Variants in VPS13B observed in about 807,000 individuals in gnomAD.
VPS13B encodes vacuolar protein sorting 13 homolog B.
Under a neutral mutation model 426.4 loss-of-function variants are expected in VPS13B, and 285 were observed. The ratio of observed to expected loss-of-function variants is 0.67; its 90% CI spans 0.61 to 0.74. The LOEUF (loss-of-function observed/expected upper bound fraction) is 0.74, where lower values mean the gene tolerates loss of function less well. Ranked by LOEUF, VPS13B falls within the 30% of genes least tolerant of loss-of-function variation. The pLI is 0.00. For synonymous variants in VPS13B, 1,676 were observed against 1,676.4 expected, an observed-to-expected ratio of 1.00 and a Z score of 0.01; for missense variants, 4,537 against 4,782.6, an observed-to-expected ratio of 0.95 and a Z score of 1.51.
At chr8:99,626,665 A>G (rs1386641825) in intron 33 of VPS13B, among the ~76,000 whole-genome samples, 1 of 152,168 alleles carries the variant, frequency 6.6e-6, no homozygotes, top group Non-Finnish European at 1.5e-5. Context: ...AGAAAAAGGA[A>G]CTCTTATGCG....
At chr8:99,278,594 G>T (rs888876025) in intron 19 of VPS13B, among the ~76,000 whole-genome samples, 2 of 152,158 alleles carry the variant, frequency 1.3e-5, no homozygotes. Context: ...CTAGAACTTG[G>T]AACTTCTAAC....
At chr8:99,165,398 T>C (rs1485205331) in intron 15 of VPS13B, among the ~76,000 whole-genome samples, 1 of 152,200 alleles carries the variant, frequency 6.6e-6, no homozygotes, top group East Asian at 1.9e-4. Context: ...GGCAAACCCA[T>C]CGTTTGAATA....
intron 43 of VPS13B, among the ~76,000 whole-genome samples, chr8:99,802,026 T>A (rs1166592326): frequency 6.6e-6 from 1 of 152,012 alleles, no homozygotes; most frequent in East Asian, 1.9e-4. Flanking sequence ...GGTGCATGCC[T>A]GTAGTCCCAA....
chr8:99,536,600 A>G (rs765072944), intron 30 of VPS13B: 3 of 529,202 alleles, frequency 5.7e-6, no homozygotes, highest in African/African-American at 3.9e-5. Flanking sequence ...AATGTTTTGT[A>G]TCCTGGGACC....
intron 43 of VPS13B, among the ~76,000 whole-genome samples, chr8:99,798,160 A>G (rs538703746): frequency 6.4e-4 from 98 of 151,966 alleles, no homozygotes; most frequent in Non-Finnish European, 8.4e-4. Flanking sequence ...TTGAGTACCC[A>G]GGAACTACCG....
chr8:99,186,333 C>T (rs926673035), intron 16 of VPS13B, among the ~76,000 whole-genome samples: 2 of 151,912 alleles, frequency 1.3e-5, no homozygotes, highest in African/African-American at 4.8e-5. Flanking sequence ...AGGAAAAATA[C>T]ACTTTTTATT....
intron 2 of VPS13B, among the ~76,000 whole-genome samples, chr8:99,028,919 G>T: frequency 8.6e-6 from 1 of 116,578 alleles, no homozygotes; most frequent in Middle Eastern, 4.3e-3. Flanking sequence ...CTGCCGGGCG[G>T]AGACGCTCCT....
At chr8:99,403,727 G>GA (rs904308067) in intron 21 of VPS13B, among the ~76,000 whole-genome samples, 2 of 152,114 alleles carry the variant, frequency 1.3e-5, no homozygotes, top group African/African-American at 2.4e-5. Context: ...TATAATGCCA[G>GA]AAAAAATGCA....
chr8:99,456,185 T>C (rs1057231906), intron 23 of VPS13B, among the ~76,000 whole-genome samples: 8 of 152,192 alleles, frequency 5.3e-5, no homozygotes, highest in African/African-American at 1.9e-4. Flanking sequence ...ATTTATTTTT[T>C]TGAGGCAGAG....
intron 8 of VPS13B, among the ~76,000 whole-genome samples, chr8:99,123,618 A>G (rs1019144530): frequency 6.6e-6 from 1 of 152,214 alleles, no homozygotes; most frequent in South Asian, 2.1e-4. Flanking sequence ...TAGGAATGCA[A>G]TTTTCAAGCA....
chr8:99,073,962 A>C (rs1172208959), intron 3 of VPS13B, among the ~76,000 whole-genome samples: 1 of 151,326 alleles, frequency 6.6e-6, no homozygotes, highest in Non-Finnish European at 1.5e-5. Flanking sequence ...GTAGAGATAG[A>C]GTCTCCCTAT....
At chr8:99,300,606 A>C (rs1203775009) in intron 19 of VPS13B, among the ~76,000 whole-genome samples, 2 of 152,128 alleles carry the variant, frequency 1.3e-5, no homozygotes, top group East Asian at 3.9e-4. Context: ...TATCCCTTTC[A>C]GCCTAGGTAT....
chr8:99,823,835 T>A lies in VPS13B; in HGVS notation c.9187T>A (p.Cys3063Ser). 6.2e-7 allele frequency: 1 copy of A among 1,613,496 alleles called. No individual in the cohort carries two copies. Residue 3063 changes from cysteine to serine, a missense_variant, in exon 51 of 62, where the codon TGT becomes AGT. Cys to Ser is a moderately radical substitution (Grantham distance 112, BLOSUM62 -1). This residue lies in a region of VPS13B where 4,311 missense variants were observed against 4,474.3 expected (regional missense o/e 0.96). Coordinates refer to ENST00000357162, the MANE Select transcript of VPS13B (RefSeq NM_152564.5). ...TTTTTTCTCAATTATCTTGTAGTTA[T>A]GTCAGTTCTGCATTTCCTCCATGGT... is the stretch of plus-strand genomic sequence containing the variant. Reference protein sequence around the residue: ...LGAFPGHQKLCQFCISSMVQQ... With the variant: ...LGAFPGHQKLSQFCISSMVQQ...
At chr8:99,331,118 C>A (rs1257405898) in intron 19 of VPS13B, among the ~76,000 whole-genome samples, 1 of 151,710 alleles carries the variant, frequency 6.6e-6, no homozygotes, top group African/African-American at 2.4e-5. Context: ...TGCATGGTTC[C>A]ACTAAACTCT....
At chr8:99,161,389 C>G (rs1336762725) in intron 15 of VPS13B, among the ~76,000 whole-genome samples, 1 of 152,128 alleles carries the variant, frequency 6.6e-6, no homozygotes, top group Non-Finnish European at 1.5e-5. Context: ...TCTCTATACT[C>G]AAGAAGGATG....
chr8:99,777,117 A>G (rs989034542), intron 41 of VPS13B, among the ~76,000 whole-genome samples, 161 bp downstream of exon 41: 1 of 152,208 alleles, frequency 6.6e-6, no homozygotes, highest in Non-Finnish European at 1.5e-5. Context: ...CAAAACAGGC[A>G]TAACCTTTAC....
chr8:99,383,635 A>G (rs777206253), intron 19 of VPS13B, among the ~76,000 whole-genome samples: 3 of 152,144 alleles, frequency 2.0e-5, no homozygotes, highest in African/African-American at 7.2e-5. Flanking sequence ...CCCCTCTCAC[A>G]GGCCCTGGTA....
rs577196561 is a variant in VPS13B at position 99,774,266 on chromosome 8, C to T, written c.7248-2509C>T. Among the ~76,000 whole-genome samples the T allele has an allele frequency of 6.6e-5, 10 of 152,194 alleles. No individual in the cohort carries two copies. The South Asian group carries it at 8.3e-4, about 13-fold the overall frequency. ...AAATTAACCTAGTAACCATTTTAGTCGGGATTTCAAGATTGAAGGAGTATT... is the reference window on the plus strand; with the variant it reads ...AAATTAACCTAGTAACCATTTTAGTTGGGATTTCAAGATTGAAGGAGTATT... On this transcript the variant is annotated intron_variant, in intron 40 of 61. Coordinates refer to ENST00000357162, the MANE Select transcript of VPS13B (RefSeq NM_152564.5).
intron 33 of VPS13B, among the ~76,000 whole-genome samples, chr8:99,640,068 A>AGAAGAAGAAGAAG (rs1326235168): frequency 2.2e-5 from 3 of 136,270 alleles, no homozygotes; most frequent in Admixed American, 7.4e-5. Flanking sequence ...AAAGAAAAGA[A>AGAAGAAGAAGAAG]AAGAAAAGAA....
Sources: allele counts gnomAD v4.1 joint callset (sites outside exome capture counted in the v4.1 genomes callset), GRCh38; gene constraint gnomAD v4.1.1; regional missense constraint gnomAD v4.1.1; transcripts MANE v1.5; gene names NCBI Gene and HGNC (gene_info 2026-07-23, HGNC 2026-07-21).